The following NPIPB2 variants were observed in gnomAD, a reference collection of about 807,000 sequenced individuals.
NPIPB2 encodes the protein nuclear pore complex-interacting protein family member B2.
In NPIPB2, 27 loss-of-function variants were observed where a neutral mutation model predicts 30.8. That is an observed-to-expected ratio of 0.88 (90% confidence interval 0.65 to 1.21). The LOEUF is 1.21. NPIPB2 is among the 50% of genes most tolerant of loss of function. NPIPB2 has a pLI of 0.00. For synonymous variants in NPIPB2, 147 were observed against 162.0 expected, an observed-to-expected ratio of 0.91 and a Z score of 0.70; for missense variants, 440 against 446.2, an observed-to-expected ratio of 0.99 and a Z score of 0.13.
At chr16:11,947,221 T>A (rs1004110250) in intron 1 of NPIPB2, among the ~76,000 whole-genome samples, 3 of 147,934 alleles carry the variant, frequency 2.0e-5, no homozygotes, top group African/African-American at 7.3e-5. Context: ...CCCAAACTGC[T>A]GGAAGGTGTG....
intron 1 of NPIPB2, among the ~76,000 whole-genome samples, chr16:11,960,084 T>G (rs2055142680): frequency 6.6e-6 from 1 of 152,180 alleles, no homozygotes; most frequent in Non-Finnish European, 1.5e-5. Context: ...CTGTACTTTG[T>G]GTTTTTCACT....
chr16:11,940,202 T>A (rs1370609553), intron 1 of NPIPB2, among the ~76,000 whole-genome samples: 2 of 108,400 alleles, frequency 1.8e-5, no homozygotes, highest in African/African-American at 5.6e-5. Context: ...AATACAAAAT[T>A]AGCTGGGAGT....
intron 1 of NPIPB2, among the ~76,000 whole-genome samples, chr16:11,938,312 G>A (rs140268807): frequency 0.016 from 2,472 of 150,992 alleles, 58 homozygotes; most frequent in African/African-American, 0.057. Context: ...CACCGTGCCC[G>A]GCCATTTTTT....
chr16:11,969,485 G>T (rs772718540), intron 1 of NPIPB2, among the ~76,000 whole-genome samples: 17 of 152,150 alleles, frequency 1.1e-4, no homozygotes, highest in Non-Finnish European at 2.4e-4. Context: ...TTGAACTCCT[G>T]ACCTCGTGAT....
At chr16:11,935,691 A>C (rs1365049812) in intron 2 of NPIPB2, among the ~76,000 whole-genome samples, 1 of 150,502 alleles carries the variant, frequency 6.6e-6, no homozygotes, top group Non-Finnish European at 1.5e-5. Context: ...AAAATCATGT[A>C]CTAGGATTTC....
rs1032715140 is a variant in NPIPB2, at chr16:11,934,446, A to C, written c.193-522T>G. The stretch of plus-strand genomic sequence containing the variant: ...TGCATGCCTGTAATCCCAGCTAGTC[A>C]GGAGGCTGAGGCAGGAGAATCACTT... On this transcript the variant is annotated intron_variant, in intron 2 of 7. Transcript: ENST00000399147. Among the ~76,000 whole-genome samples the C allele has an allele frequency of 2.4e-3, 339 of 143,222 alleles. 1 individual carries two copies. The highest frequency in any genetic ancestry group is 6.0e-3 in the Admixed American group (85 of 14,066). The allele number at this position is 143,222 out of a possible 152,430, so 94.0% of individuals were successfully genotyped here.
chr16:11,952,343 G>A (rs187110634), intron 1 of NPIPB2, among the ~76,000 whole-genome samples: 144 of 151,478 alleles, frequency 9.5e-4, no homozygotes, highest in Admixed American at 3.8e-3. Flanking sequence ...GCAAGACTCC[G>A]TCTCAAAAAT....
chr16:11,951,770 G>A (rs1293251264), intron 1 of NPIPB2, among the ~76,000 whole-genome samples: 1 of 152,048 alleles, frequency 6.6e-6, no homozygotes, highest in African/African-American at 2.4e-5. Context: ...GCTCACGCCT[G>A]TAATCCCAGC....
chr16:11,943,871 G>A (rs1274849100), upstream of NPIPB2, among the ~76,000 whole-genome samples: 4 of 150,718 alleles, frequency 2.7e-5, no homozygotes, highest in East Asian at 4.0e-4. Flanking sequence ...GGTGGCGGGC[G>A]CCTGTAATCC....
upstream of NPIPB2, among the ~76,000 whole-genome samples, chr16:11,946,246 A>G (rs995907415): frequency 2.0e-5 from 3 of 151,732 alleles, no homozygotes; most frequent in African/African-American, 4.8e-5. Flanking sequence ...TTAGCCAGGC[A>G]TGGTGGCACA....
At chr16:11,965,229 CT>C in intron 1 of NPIPB2, 1 of 1,517,386 alleles carries the variant, frequency 6.6e-7, no homozygotes, top group Admixed American at 1.8e-5. Context: ...AACATTCTAG[CT>C]GCTCTTGCTG....
chr16:11,972,562 G>A (rs1846454811), intron 1 of NPIPB2, among the ~76,000 whole-genome samples: 1 of 151,728 alleles, frequency 6.6e-6, no homozygotes, highest in South Asian at 2.1e-4. Context: ...GTAACACAGT[G>A]AGACCGCATC....
chr16:11,968,108 A>G, intron 1 of NPIPB2: 1 of 386,632 alleles, frequency 2.6e-6, no homozygotes, highest in African/African-American at 2.1e-5. Context: ...AAAAACAAGC[A>G]TGTATACCAG....
At position 11,941,961 on chromosome 16, in the gene NPIPB2, G is replaced by T. The variant is rs1278606134; in HGVS notation, c.63+22C>A. On this transcript the variant is annotated intron_variant, in intron 1 of 7. Coordinates refer to ENST00000399147, the Ensembl canonical transcript of NPIPB2. ...AAACATAAAAAACAAATGATGGCAG[G>T]ATGGCAGGAAGAACCTCATACCCAA... 7.5e-5 allele frequency: 76 copies of T among 1,015,082 alleles called. 1 individual carries two copies. In the Admixed American group the frequency reaches 1.5e-3, roughly 20 times the overall value. The allele number at this position is 1,015,082 out of a possible 1,614,324, so 62.9% of individuals were successfully genotyped here. A position where few individuals can be genotyped will look rare whatever the true frequency, so the allele number is the denominator to read the frequency against.
chr16:11,962,470 G>A (rs1000579012), intron 1 of NPIPB2, among the ~76,000 whole-genome samples: 3 of 151,818 alleles, frequency 2.0e-5, no homozygotes, highest in Non-Finnish European at 4.4e-5. Flanking sequence ...AAATTAGCCA[G>A]ACATGGTGGT....
rs747309092 is a variant in NPIPB2, at chr16:11,933,717, G to A, written c.293-5C>T. The A allele has an allele frequency of 2.8e-5, 45 of 1,596,796 alleles. 1 individual carries two copies. The African/African-American group carries it at 3.5e-4, about 12-fold the overall frequency. ...GCATACAAATGGACCTCAGCCCTTG[G>A]TGAGAGTGAGGAGAGGAGAAGGTGA... On this transcript the variant is annotated splice_region_variant and splice_polypyrimidine_tract_variant and intron_variant, in intron 3 of 7. Transcript: ENST00000399147.
At chr16:11,960,636 G>C (rs139660051) in intron 1 of NPIPB2, among the ~76,000 whole-genome samples, 1 of 151,632 alleles carries the variant, frequency 6.6e-6, no homozygotes. Flanking sequence ...GGGATTACAG[G>C]CATGAGCCAT....
At chr16:11,951,672 C>CACACACACA (rs2055066867) in intron 1 of NPIPB2, among the ~76,000 whole-genome samples, 1 of 90,610 alleles carries the variant, frequency 1.1e-5, no homozygotes, top group Non-Finnish European at 2.5e-5. Context: ...ACACACCCAG[C>CACACACACA]CCCCAAACAA....
intron 1 of NPIPB2, among the ~76,000 whole-genome samples, chr16:11,956,836 G>A (rs189924081): frequency 1.3e-4 from 20 of 152,318 alleles, no homozygotes; most frequent in African/African-American, 4.8e-4. Flanking sequence ...ATGCTCAGTT[G>A]GCTTCACCCC....
Sources: allele counts gnomAD v4.1 joint callset (sites outside exome capture counted in the v4.1 genomes callset), GRCh38; gene constraint gnomAD v4.1.1; transcripts MANE v1.5; gene names NCBI Gene and HGNC (gene_info 2026-07-23, HGNC 2026-07-21).